Variants in LRRC8C observed in about 807,000 individuals in gnomAD.
LRRC8C encodes the protein volume-regulated anion channel subunit LRRC8C.
In LRRC8C, 20 loss-of-function variants were observed where a neutral mutation model predicts 55.3. That is an observed-to-expected ratio of 0.36 (90% CI 0.25 to 0.53). LRRC8C has a LOEUF of 0.53. Among genes scored for constraint, LRRC8C ranks in the 20% least tolerant of loss-of-function variants. The pLI is 0.92. For synonymous variants in LRRC8C, 376 were observed against 360.7 expected (o/e 1.04, Z -0.48); for missense variants, 659 against 951.4 (o/e 0.69, Z 4.04).
At chr1:89,681,850 A>G (rs900355205) in intron 1 of LRRC8C, among the ~76,000 whole-genome samples, 1 of 152,340 alleles carries the variant, frequency 6.6e-6, no homozygotes, top group African/African-American at 2.4e-5. Flanking sequence ...ACATGTACAT[A>G]TGTAGACATG....
intron 2 of LRRC8C, among the ~76,000 whole-genome samples, chr1:89,686,972 A>G (rs1044133093): frequency 1.3e-5 from 2 of 152,156 alleles, no homozygotes; most frequent in Non-Finnish European, 2.9e-5. Flanking sequence ...GCTTTTATTC[A>G]TCCTTTACCC....
At chr1:89,697,850 A>AG (rs578010388) in intron 2 of LRRC8C, among the ~76,000 whole-genome samples, 10 of 152,286 alleles carry the variant, frequency 6.6e-5, no homozygotes, top group East Asian at 1.9e-4. Context: ...GGGAAAAAAA[A>AG]CAATGTGGAT....
intron 1 of LRRC8C, among the ~76,000 whole-genome samples, chr1:89,662,942 G>A (rs6703595): frequency 0.99 from 150,420 of 152,272 alleles, 74,309 homozygotes; most frequent in Middle Eastern, 1. Flanking sequence ...CGTCTACATT[G>A]GGTATTTCTC....
chr1:89,619,329 T>C, the LRRC8C span, among the ~76,000 whole-genome samples: 2 of 151,880 alleles, frequency 1.3e-5, no homozygotes, highest in African/African-American at 4.8e-5. Flanking sequence ...TAGTGTATCA[T>C]GGGTGATATA....
intron 1 of LRRC8C, among the ~76,000 whole-genome samples, chr1:89,655,400 T>C (rs1656914329): frequency 6.6e-6 from 1 of 152,216 alleles, no homozygotes; most frequent in Non-Finnish European, 1.5e-5. Context: ...GTTCCTTTGA[T>C]TGTGTATTTG....
At chr1:89,662,318 G>T (rs184417308) in intron 1 of LRRC8C, among the ~76,000 whole-genome samples, 27 of 152,350 alleles carry the variant, frequency 1.8e-4, no homozygotes, top group Admixed American at 8.5e-4. Flanking sequence ...GAGTGTGCAG[G>T]AGAGGGCTAT....
intron 1 of LRRC8C, among the ~76,000 whole-genome samples, chr1:89,674,922 G>A (rs1483366452): frequency 6.6e-6 from 1 of 152,166 alleles, no homozygotes; most frequent in African/African-American, 2.4e-5. Context: ...TTTCTGTGCA[G>A]TGTTACTTTG....
At chr1:89,698,976 A>G (rs771326544) in intron 2 of LRRC8C, among the ~76,000 whole-genome samples, 28 of 151,630 alleles carry the variant, frequency 1.8e-4, no homozygotes, top group Middle Eastern at 3.4e-3. Context: ...CCGAAGGTGG[A>G]AAAAAAAAGA....
Position 89,715,189 on chromosome 1 carries a change from T to C in LRRC8C, c.*207T>C. 2.8e-6 allele frequency: 1 copy of C among 358,084 alleles called. No homozygotes were observed. The highest frequency in any genetic ancestry group is 4.9e-6 in the Non-Finnish European group (1 of 202,888). 22.2% of individuals were successfully genotyped at this position (358,084 alleles called of 1,614,324 possible). A position where few individuals can be genotyped will look rare whatever the true frequency, so the allele number is the denominator to read the frequency against. ...AAGTTTTATTTGTCTTGAAACACAA[T>C]GTATCTATTATCTACTGACAGAAAG... is the stretch of plus-strand genomic sequence containing the variant. On this transcript the variant is annotated 3_prime_UTR_variant, in exon 3 of 3. Transcript: ENST00000370454.
chr1:89,623,408 A>T, the LRRC8C span, among the ~76,000 whole-genome samples: 1 of 152,174 alleles, frequency 6.6e-6, no homozygotes, highest in Non-Finnish European at 1.5e-5. Flanking sequence ...CTCAGAAACA[A>T]GGATGGAAGG....
At chr1:89,622,172 A>G in the LRRC8C span, among the ~76,000 whole-genome samples, 4 of 152,272 alleles carry the variant, frequency 2.6e-5, no homozygotes, top group East Asian at 7.7e-4. Flanking sequence ...TTTCAAGTCA[A>G]GCTGTCCGGG....
intron 2 of LRRC8C, among the ~76,000 whole-genome samples, chr1:89,688,405 A>T (rs1657938558): frequency 6.6e-6 from 1 of 152,064 alleles, no homozygotes; most frequent in Non-Finnish European, 1.5e-5. Flanking sequence ...AAAATCAATT[A>T]GTAAATATGT....
At chr1:89,647,031 C>CATG (rs140267889) in intron 1 of LRRC8C, among the ~76,000 whole-genome samples, 84,365 of 151,630 alleles carry the variant, frequency 0.56, 23,852 homozygotes, top group East Asian at 0.79. Flanking sequence ...TATTTAATAA[C>CATG]ATAACATTAA....
At chr1:89,662,926 A>G (rs1570705390) in intron 1 of LRRC8C, among the ~76,000 whole-genome samples, 1 of 152,054 alleles carries the variant, frequency 6.6e-6, no homozygotes, top group East Asian at 1.9e-4. Flanking sequence ...GTGCCCATCA[A>G]CCCGTCGTCT....
chr1:89,693,391 G>A (rs1188198277), intron 2 of LRRC8C, among the ~76,000 whole-genome samples: 1 of 152,124 alleles, frequency 6.6e-6, no homozygotes, highest in East Asian at 1.9e-4. Context: ...GATATCAGAA[G>A]ACTTCATTTT....
intron 2 of LRRC8C, among the ~76,000 whole-genome samples, chr1:89,692,909 G>C (rs1658062950): frequency 6.6e-6 from 1 of 152,122 alleles, no homozygotes; most frequent in South Asian, 2.1e-4. Context: ...AGTGACTCCA[G>C]GTTATCTTAT....
chr1:89,624,417 C>T, the LRRC8C span, among the ~76,000 whole-genome samples: 4 of 152,238 alleles, frequency 2.6e-5, no homozygotes, highest in Non-Finnish European at 4.4e-5. Context: ...AGAATATGTG[C>T]GTGTTCTATA....
At chr1:89,645,782 A>G (rs1201257263) in intron 1 of LRRC8C, among the ~76,000 whole-genome samples, 4 of 152,134 alleles carry the variant, frequency 2.6e-5, no homozygotes, top group African/African-American at 9.6e-5. Flanking sequence ...TGTTTAGAAG[A>G]GCCTCAAATA....
Position 89,695,485 on chromosome 1 carries a change from T to C in LRRC8C, c.138+8874T>C, listed in dbSNP as rs533589798. On this transcript the variant is annotated intron_variant, in intron 2 of 2. Coordinates refer to ENST00000370454, the MANE Select transcript of LRRC8C (RefSeq NM_032270.5). ...TTTAGGATGTTGATGTTAAATGTTATAGGTGATAGATATTGGACTCAGAAA... is the reference window on the plus strand; with the variant it reads ...TTTAGGATGTTGATGTTAAATGTTACAGGTGATAGATATTGGACTCAGAAA... 7.9e-5 allele frequency among the ~76,000 whole-genome samples: 12 copies of C among 152,326 alleles called. No homozygotes were observed. In the East Asian group the frequency reaches 2.1e-3, roughly 27 times the overall value.
Sources: allele counts gnomAD v4.1 joint callset (sites outside exome capture counted in the v4.1 genomes callset), GRCh38; gene constraint gnomAD v4.1.1; transcripts MANE v1.5; gene names NCBI Gene and HGNC (gene_info 2026-07-23, HGNC 2026-07-21).